Variants in PHF14 observed in about 807,000 individuals in gnomAD.
PHF14 encodes PHD finger protein 14.
PHF14 carries 55 observed loss-of-function variants against 117.9 expected under a neutral mutation model. That is an observed-to-expected ratio of 0.47 (90% CI 0.38 to 0.58). The LOEUF (loss-of-function observed/expected upper bound fraction) is 0.58, where lower values mean the gene tolerates loss of function less well. Ranked by LOEUF, PHF14 falls within the 20% of genes least tolerant of loss-of-function variation. The probability of loss-of-function intolerance (pLI) is 0.00; values close to 1 mark genes in which losing one functional copy is unlikely to be tolerated. For synonymous variants in PHF14, 409 were observed against 368.6 expected (o/e 1.11, Z -1.26); for missense variants, 978 against 1,122.2 (o/e 0.87, Z 1.84).
At chr7:10,974,410 A>T in intron 1 of PHF14, 86 bp downstream of exon 1, 4 of 1,153,722 alleles carry the variant, frequency 3.5e-6, no homozygotes, top group Non-Finnish European at 5.1e-6. Context: ...CAGGGGTGGG[A>T]GAGTCCTGCG....
chr7:11,160,348 A>G (rs957897791), intron 17 of PHF14, among the ~76,000 whole-genome samples: 5 of 152,208 alleles, frequency 3.3e-5, no homozygotes, highest in African/African-American at 9.6e-5. Flanking sequence ...TATTATGAAC[A>G]GTGCTGCAGT....
At chr7:11,150,633 A>G (rs895112033) in intron 17 of PHF14, among the ~76,000 whole-genome samples, 2 of 152,176 alleles carry the variant, frequency 1.3e-5, no homozygotes, top group African/African-American at 2.4e-5. Flanking sequence ...TTATTTGTAT[A>G]TTAGAATCCT....
At chr7:10,998,875 T>C (rs1465262408) in intron 4 of PHF14, among the ~76,000 whole-genome samples, 2 of 152,236 alleles carry the variant, frequency 1.3e-5, no homozygotes, top group African/African-American at 4.8e-5. Flanking sequence ...ACTTCTTAAG[T>C]CATTCTTAGG....
chr7:11,107,244 T>A, intron 16 of PHF14: 1 of 981,172 alleles, frequency 1.0e-6, no homozygotes, highest in Non-Finnish European at 1.2e-6. Flanking sequence ...AATTGCTTGT[T>A]ATATGGATCA....
chr7:10,988,413 A>G (rs1239448014), intron 3 of PHF14, among the ~76,000 whole-genome samples: 1 of 152,168 alleles, frequency 6.6e-6, no homozygotes. Flanking sequence ...CCATATGGGT[A>G]AACCTTTTTT....
intron 2 of PHF14, among the ~76,000 whole-genome samples, chr7:10,981,529 A>G (rs751668111): frequency 2.2e-4 from 34 of 152,226 alleles, no homozygotes; most frequent in South Asian, 4.1e-4. Flanking sequence ...GAAACCTGCT[A>G]GAAAGCTTAC....
chr7:11,083,713 G>A lies in PHF14; in HGVS notation c.2654+21628G>A, dbSNP rs114040035. 7.7e-3 allele frequency among the ~76,000 whole-genome samples: 1,174 copies of A among 151,948 alleles called. 15 individuals carry two copies. Among genetic ancestry groups the A allele is most frequent in the African/African-American group, 0.027 (1,113 of 41,424 alleles). On this transcript the variant is annotated intron_variant, in intron 16 of 17. Transcript: ENST00000634607. ...CCTGACCTCGTGACCCACCCCCTTGGCCTCCCAAAGTGCTAGGAGTACAGG... is the reference window on the plus strand; with the variant it reads ...CCTGACCTCGTGACCCACCCCCTTGACCTCCCAAAGTGCTAGGAGTACAGG...
At chr7:11,056,979 A>G (rs1396595286) in intron 14 of PHF14, among the ~76,000 whole-genome samples, 2 of 152,118 alleles carry the variant, frequency 1.3e-5, no homozygotes, top group African/African-American at 4.8e-5. Context: ...TGATTTTGGA[A>G]TTTTGCCCAT....
At chr7:11,135,114 T>G (rs1416625690) in intron 17 of PHF14, among the ~76,000 whole-genome samples, 1 of 152,148 alleles carries the variant, frequency 6.6e-6, no homozygotes, top group East Asian at 1.9e-4. Context: ...CCTGTACTTT[T>G]AGTCAAATAG....
At chr7:10,975,249 A>G (rs1781820753) in intron 2 of PHF14, among the ~76,000 whole-genome samples, 1 of 152,246 alleles carries the variant, frequency 6.6e-6, no homozygotes, top group Admixed American at 6.5e-5. Flanking sequence ...AAACTGAAAG[A>G]TATCCCGAAG....
chr7:11,072,731 AG>A (rs1265122897), intron 16 of PHF14, among the ~76,000 whole-genome samples: 1 of 152,230 alleles, frequency 6.6e-6, no homozygotes, highest in African/African-American at 2.4e-5. Flanking sequence ...TTATAAAGAA[AG>A]TAAGTTTATT....
At chr7:11,046,892 C>G (rs761558774) in intron 13 of PHF14, among the ~76,000 whole-genome samples, 26 of 151,606 alleles carry the variant, frequency 1.7e-4, no homozygotes, top group Admixed American at 3.3e-4. Context: ...GGTGTGGGAT[C>G]CTGAGTTCTT....
At chr7:11,092,762 C>T (rs192692597) in intron 16 of PHF14, among the ~76,000 whole-genome samples, 1 of 152,236 alleles carries the variant, frequency 6.6e-6, no homozygotes, top group African/African-American at 2.4e-5. Flanking sequence ...CTCGCTGAAC[C>T]TGATCATTGA....
At chr7:11,125,407 C>G (rs552046889) in intron 17 of PHF14, among the ~76,000 whole-genome samples, 1 of 152,068 alleles carries the variant, frequency 6.6e-6, no homozygotes, top group Non-Finnish European at 1.5e-5. Context: ...TATCAGCATT[C>G]TTTTGCAGTA....
At chr7:11,105,221 T>C (rs1247266318) in intron 16 of PHF14, 2 of 958,956 alleles carry the variant, frequency 2.1e-6, no homozygotes, top group Non-Finnish European at 2.5e-6. Flanking sequence ...AGAAATTATA[T>C]TTATGCATTG....
rs143427862 is a variant in PHF14, at chr7:11,005,753, A to G, written c.1046-7994A>G. On this transcript the variant is annotated intron_variant, in intron 4 of 17. Coordinates refer to ENST00000634607, the MANE Select transcript of PHF14 (RefSeq NM_001007157.2). ...ATGTGCCATGTATATATATGTAATA[A>G]TTTCTGTGGGATAGATACCTAGAAG... Among the ~76,000 whole-genome samples the G allele has an allele frequency of 2.6e-3, 362 of 141,836 alleles. 1 individual carries two copies. Among genetic ancestry groups the G allele is most frequent in the African/African-American group, 9.2e-3 (349 of 37,920 alleles). The allele number at this position is 141,836 out of a possible 152,430, so 93.0% of individuals were successfully genotyped here.
At chr7:11,004,246 C>CAAAAAAAAAA (rs55917513) in intron 4 of PHF14, among the ~76,000 whole-genome samples, 56 of 51,230 alleles carry the variant, frequency 1.1e-3, no homozygotes, top group African/African-American at 3.3e-3. Context: ...GACTTTGTCT[C>CAAAAAAAAAA]AAAAAAAAAA....
At chr7:11,082,323 G>A (rs1786175191) in intron 16 of PHF14, among the ~76,000 whole-genome samples, 1 of 152,108 alleles carries the variant, frequency 6.6e-6, no homozygotes, top group Non-Finnish European at 1.5e-5. Context: ...ACTCCAGCCT[G>A]GGCAACAGAG....
At chr7:11,019,180 C>G (rs1583373667) in intron 5 of PHF14, among the ~76,000 whole-genome samples, 2 of 152,144 alleles carry the variant, frequency 1.3e-5, no homozygotes, top group African/African-American at 4.8e-5. Context: ...ATCAGAGATA[C>G]TGGCCTGTAG....
Sources: gnomAD v4.1 joint callset for allele counts (sites outside exome capture counted in the v4.1 genomes callset) on GRCh38, gnomAD v4.1.1 for gene constraint, MANE v1.5 for transcripts, NCBI Gene and HGNC (gene_info 2026-07-23, HGNC 2026-07-21) for gene names.